Variants in B3GLCT observed in about 807,000 individuals in gnomAD.
B3GLCT encodes beta-1,3-glucosyltransferase.
In B3GLCT, 65 loss-of-function variants were observed where a neutral mutation model predicts 63.4. That is an observed-to-expected ratio of 1.03 (90% CI 0.84 to 1.26). The LOEUF (loss-of-function observed/expected upper bound fraction) is 1.26, where lower values mean the gene tolerates loss of function less well. Among genes scored for constraint, B3GLCT ranks in the 50% most tolerant of loss-of-function variants. B3GLCT has a pLI of 0.00. For synonymous variants in B3GLCT, 233 were observed against 219.2 expected, an observed-to-expected ratio of 1.06 and a Z score of -0.55; for missense variants, 577 against 604.8, an observed-to-expected ratio of 0.95 and a Z score of 0.48.
rs71436439 is a variant in B3GLCT at position 31,251,049 on chromosome 13, C to G, written c.459+3083C>G. On this transcript the variant is annotated intron_variant, in intron 6 of 14. Coordinates refer to ENST00000343307, the MANE Select transcript of B3GLCT (RefSeq NM_194318.4). The stretch of plus-strand genomic sequence containing the variant: ...AGCAATCTTTGTGGTTCTGCACCCT[C>G]CACCGGGGATACCCAGGCAAACAGG... 2.6e-5 allele frequency among the ~76,000 whole-genome samples: 4 copies of G among 152,282 alleles called. No homozygotes were observed. In the South Asian group the frequency reaches 8.3e-4, roughly 32 times the overall value.
intron 13 of B3GLCT, 44 bp from the exon 14 acceptor site, chr13:31,323,707 T>G: frequency 1.9e-6 from 3 of 1,612,862 alleles, no homozygotes; most frequent in Non-Finnish European, 2.5e-6. Context: ...CAGCGGTGTC[T>G]GTGGAGCTTC....
intron 12 of B3GLCT, among the ~76,000 whole-genome samples, chr13:31,302,593 C>A (rs1353425569): frequency 1.1e-5 from 1 of 90,062 alleles, no homozygotes; most frequent in South Asian, 4.6e-4. Context: ...CGGGTCACTC[C>A]CACCCGAATA....
intron 12 of B3GLCT, among the ~76,000 whole-genome samples, chr13:31,297,516 G>A (rs963152499): frequency 5.9e-5 from 9 of 151,692 alleles, no homozygotes; most frequent in African/African-American, 2.2e-4. Context: ...CAACACAGAA[G>A]ACAACTTCCG....
chr13:31,318,670 G>A (rs191906956), intron 13 of B3GLCT, among the ~76,000 whole-genome samples: 3 of 152,200 alleles, frequency 2.0e-5, no homozygotes, highest in Non-Finnish European at 2.9e-5. Context: ...CCCAAGGAGT[G>A]TTGACCTCCT....
At position 31,219,330 on chromosome 13, in the gene B3GLCT, G is replaced by T. The variant is rs116920961; in HGVS notation, c.121-3622G>T. Among the ~76,000 whole-genome samples the T allele has an allele frequency of 8.3e-4, 126 of 152,204 alleles. 2 individuals carry two copies. In the Middle Eastern group the frequency reaches 0.014, roughly 16 times the overall value. ...TAAATGCGATTCATCACCTAAACACGTGATTATTAAAAAGTAAAGTTAGAA... is the reference window on the plus strand; with the variant it reads ...TAAATGCGATTCATCACCTAAACACTTGATTATTAAAAAGTAAAGTTAGAA... On this transcript the variant is annotated intron_variant, in intron 2 of 14. Transcript: ENST00000343307.
intron 12 of B3GLCT, among the ~76,000 whole-genome samples, chr13:31,295,945 G>T (rs532821128): frequency 4.1e-4 from 62 of 152,230 alleles, no homozygotes; most frequent in Admixed American, 1.8e-3. Flanking sequence ...TGGTGGTATA[G>T]GTACCTGAGG....
chr13:31,225,014 C>T (rs1250835582), intron 3 of B3GLCT, among the ~76,000 whole-genome samples: 2 of 152,222 alleles, frequency 1.3e-5, no homozygotes, highest in Admixed American at 1.3e-4. Context: ...CTAACTATCT[C>T]TCTGTCCTGC....
At chr13:31,252,382 T>C (rs1871471712) in intron 6 of B3GLCT, among the ~76,000 whole-genome samples, 1 of 152,174 alleles carries the variant, frequency 6.6e-6, no homozygotes, top group South Asian at 2.1e-4. Flanking sequence ...TAACCTTAAA[T>C]GTAAATGGGC....
chr13:31,324,318 T>A (rs547687043), intron 14 of B3GLCT, among the ~76,000 whole-genome samples: 2 of 152,352 alleles, frequency 1.3e-5, no homozygotes, highest in African/African-American at 4.8e-5. Flanking sequence ...ATCTGTCTTT[T>A]CACTGAGCTT....
intron 8 of B3GLCT, among the ~76,000 whole-genome samples, chr13:31,271,336 A>G (rs1872567776): frequency 1.3e-5 from 2 of 152,184 alleles, no homozygotes; most frequent in Admixed American, 6.5e-5. Context: ...GTAGTCTCCC[A>G]TATGACCATA....
At position 31,331,076 on chromosome 13, in the gene B3GLCT, T is replaced by C. The variant is rs1046399243; in HGVS notation, c.*1408T>C. On this transcript the variant is annotated 3_prime_UTR_variant, in exon 15 of 15. Coordinates refer to ENST00000343307, the MANE Select transcript of B3GLCT (RefSeq NM_194318.4). ...TGGATTCAGTTTTGTGAAAATGGAT[T>C]CTGTGGCCATCCAAGGGATGTATCA... 1 of 152,344 alleles carries C rather than the reference T, an allele frequency of 6.6e-6. No homozygotes were observed. Among genetic ancestry groups the C allele is most frequent in the South Asian group, 2.1e-4 (1 of 4,818 alleles). 9.4% of individuals were successfully genotyped at this position (152,344 alleles called of 1,614,324 possible).
At chr13:31,213,256 T>C (rs1869370326) in intron 1 of B3GLCT, among the ~76,000 whole-genome samples, 1 of 152,202 alleles carries the variant, frequency 6.6e-6, no homozygotes, top group South Asian at 2.1e-4. Flanking sequence ...GTTTCTTCTA[T>C]GTGCTAGCTG....
intron 6 of B3GLCT, among the ~76,000 whole-genome samples, chr13:31,259,883 G>GT (rs1246989485): frequency 6.6e-6 from 1 of 151,706 alleles, no homozygotes; most frequent in Non-Finnish European, 1.5e-5. Context: ...TGTGTACAAC[G>GT]TGCAGGTTTG....
intron 4 of B3GLCT, among the ~76,000 whole-genome samples, chr13:31,246,595 G>A (rs997049024): frequency 1.1e-4 from 17 of 152,302 alleles, no homozygotes; most frequent in African/African-American, 4.1e-4. Context: ...TTTAGCCAAA[G>A]GGTTTTCATT....
intron 6 of B3GLCT, among the ~76,000 whole-genome samples, chr13:31,252,992 C>T (rs747799332): frequency 7.9e-5 from 12 of 152,118 alleles, no homozygotes; most frequent in South Asian, 2.1e-4. Flanking sequence ...TGCAAAAGAA[C>T]GGAAATCATA....
intron 1 of B3GLCT, among the ~76,000 whole-genome samples, chr13:31,205,473 C>T (rs944255149): frequency 2.0e-5 from 3 of 152,146 alleles, no homozygotes; most frequent in African/African-American, 4.8e-5. Context: ...GCAGGACAAT[C>T]GCTTGAACCC....
chr13:31,201,745 T>C (rs897837628), intron 1 of B3GLCT, among the ~76,000 whole-genome samples: 6 of 152,184 alleles, frequency 3.9e-5, no homozygotes, highest in Non-Finnish European at 7.4e-5. Flanking sequence ...GCTGTGTCTA[T>C]TTTTTATTAC....
chr13:31,291,527 A>C (rs926752868), intron 12 of B3GLCT, among the ~76,000 whole-genome samples: 1 of 152,134 alleles, frequency 6.6e-6, no homozygotes, highest in African/African-American at 2.4e-5. Context: ...TTCTCCTTGA[A>C]GAGGTCTTTC....
chr13:31,290,638 G>A (rs537283841), intron 12 of B3GLCT, among the ~76,000 whole-genome samples: 1 of 152,192 alleles, frequency 6.6e-6, no homozygotes, highest in South Asian at 2.1e-4. Context: ...TCATATGTTT[G>A]TTGGCCACAT....
Sources: allele counts gnomAD v4.1 joint callset (sites outside exome capture counted in the v4.1 genomes callset), GRCh38; gene constraint gnomAD v4.1.1; transcripts MANE v1.5; gene names NCBI Gene and HGNC (gene_info 2026-07-23, HGNC 2026-07-21).